Variants in KCNAB2 observed in about 807,000 individuals in gnomAD.
KCNAB2 encodes potassium voltage-gated channel subfamily A regulatory beta subunit 2.
KCNAB2 carries 29 observed loss-of-function variants against 63.6 expected under a neutral mutation model. The observed-to-expected ratio is 0.46, with a 90% CI of 0.34 to 0.62. The LOEUF (loss-of-function observed/expected upper bound fraction) is 0.62. Ranked by LOEUF, KCNAB2 falls within the 20% of genes least tolerant of loss-of-function variation. The probability of loss-of-function intolerance (pLI) is 0.01; values close to 1 mark genes in which losing one functional copy is unlikely to be tolerated. For synonymous variants in KCNAB2, 222 were observed against 224.2 expected, an observed-to-expected ratio of 0.99 and a Z score of 0.09; for missense variants, 359 against 563.9, an observed-to-expected ratio of 0.64 and a Z score of 3.68.
chr1:6,096,581 GT>G lies in KCNAB2; in HGVS notation c.949-54del. On this transcript the variant is annotated intron_variant, in intron 13 of 15. Transcript: ENST00000378083. This position sits in a 1 kb window ranked among gnomAD's most constrained non-coding sequence, Gnocchi z 5.9. The stretch of plus-strand genomic sequence containing the variant: ...GCCCATCGGCCCCCTGCACGTGGGG[GT>G]CCAGGTGACCTGCTCTCATCTGTAG... The G allele has an allele frequency of 6.4e-7, 1 of 1,568,870 alleles. No individual in the cohort carries two copies. Among genetic ancestry groups the G allele is most frequent in the East Asian group, 2.3e-5 (1 of 43,686 alleles).
chr1:6,085,846 T>A lies in KCNAB2; in HGVS notation c.425+598T>A, dbSNP rs140573080. On this transcript the variant is annotated intron_variant, in intron 6 of 15. Coordinates refer to ENST00000378083, the MANE Select transcript of KCNAB2 (RefSeq NM_001199862.2). ...TATCCTGAGGGTCAGTGGCCCCAAG[T>A]CTGTAAATCACCCACCCAGCTCAGG... The A allele has an allele frequency of 3.5e-5, 35 of 987,686 alleles. 1 individual carries two copies. The East Asian group carries it at 4.0e-3, about 112-fold the overall frequency. The allele number at this position is 987,686 out of a possible 1,614,324, so 61.2% of individuals were successfully genotyped here.
chr1:6,004,728 C>G (rs1003183229), intron 1 of KCNAB2, among the ~76,000 whole-genome samples: 11 of 152,182 alleles, frequency 7.2e-5, no homozygotes, highest in Admixed American at 3.9e-4. Context: ...TGCAAAAACC[C>G]TTTTGCCAAA....
intron 2 of KCNAB2, among the ~76,000 whole-genome samples, chr1:6,072,423 G>C (rs963556038): frequency 2.6e-5 from 4 of 152,222 alleles, no homozygotes; most frequent in African/African-American, 9.6e-5. Context: ...CCGCATGGAT[G>C]GTGCCATGGG....
intron 1 of KCNAB2, among the ~76,000 whole-genome samples, chr1:6,016,059 G>C (rs1289660634): frequency 2.6e-5 from 4 of 152,162 alleles, no homozygotes; most frequent in Non-Finnish European, 5.9e-5. Flanking sequence ...AGGTTTCTCT[G>C]ATGCAAGGAA....
intron 5 of KCNAB2, among the ~76,000 whole-genome samples, chr1:6,084,688 T>C (rs547724957): frequency 4.1e-4 from 63 of 151,982 alleles, no homozygotes; most frequent in Admixed American, 9.2e-4. Flanking sequence ...TGGTGGCAGG[T>C]GCCTGTAGTC....
intron 4 of KCNAB2, among the ~76,000 whole-genome samples, chr1:6,081,536 C>T (rs1188312532): frequency 2.0e-5 from 3 of 152,048 alleles, no homozygotes; most frequent in Non-Finnish European, 4.4e-5. Context: ...CAACAGACAC[C>T]GTTCTGTCAC....
chr1:6,034,740 G>A (rs12076209), exon 1 of KCNAB2: 68,499 of 152,368 alleles, frequency 0.45, 16,321 homozygotes, highest in East Asian at 0.88. Flanking sequence ...TGCGAGCCCC[G>A]GCTGCCTCTC....
rs1006377045 is a variant in KCNAB2 at position 6,051,681 on chromosome 1, A to C, written c.145A>C (p.Met49Leu). The C allele has an allele frequency of 2.0e-5, 30 of 1,533,794 alleles. No individual in the cohort carries two copies. Among genetic ancestry groups the C allele is most frequent in the Non-Finnish European group, 2.4e-5 (28 of 1,146,678 alleles). The change falls in exon 2 of 16, where the codon ATG (methionine) becomes CTG (leucine). Residue 49 changes from methionine to leucine, a missense_variant. This residue lies in a region of KCNAB2 where 88 missense variants were observed against 87.8 expected (regional missense o/e 1.00). Transcript: ENST00000378083. ...GCGGGCGGCTGCCCAGGCCAGGAAC[A>C]TGGAGAGCTTCCTCCGCATGCACGG... is the stretch of plus-strand genomic sequence containing the variant. ...EVRAAAQARN[M>L]ESFLRMHGLS...
chr1:6,018,367 G>A (rs987042704), intron 1 of KCNAB2, among the ~76,000 whole-genome samples: 2 of 152,226 alleles, frequency 1.3e-5, no homozygotes, highest in Non-Finnish European at 2.9e-5. Context: ...AATAGGTGCT[G>A]TGTACTGAAT....
Position 6,003,946 on chromosome 1 carries a change from G to A in KCNAB2, c.-53+11158G>A, listed in dbSNP as rs148495868. Among the ~76,000 whole-genome samples, 3 of 152,204 alleles carry A rather than the reference G, an allele frequency of 2.0e-5. No homozygotes were observed. The highest frequency in any genetic ancestry group is 4.8e-5 in the African/African-American group (2 of 41,438). Reference sequence around the variant, plus strand: ...CAAATTGCTGCCGCAGCGCTGCCTGGCAAGATGTTAATCGTTCATGCCCTG... The same window carrying A: ...CAAATTGCTGCCGCAGCGCTGCCTGACAAGATGTTAATCGTTCATGCCCTG... On this transcript the variant is annotated intron_variant, in intron 1 of 16. Coordinates refer to the KCNAB2 transcript ENST00000341524. The surrounding 1 kb of genome is among the most constrained non-coding windows in gnomAD (Gnocchi z 4.1).
chr1:6,081,185 C>T (rs75837546), intron 4 of KCNAB2, among the ~76,000 whole-genome samples: 2,652 of 152,350 alleles, frequency 0.017, 72 homozygotes, highest in African/African-American at 0.06. Flanking sequence ...GCATTTAGCT[C>T]GGGCAGTCAT....
chr1:6,072,724 G>A, intron 2 of KCNAB2, 31 bp from the exon 3 acceptor site: 1 of 1,613,166 alleles, frequency 6.2e-7, no homozygotes, highest in Non-Finnish European at 8.5e-7. Flanking sequence ...CTGCCTGGGT[G>A]CTGAGAACTC....
intron 15 of KCNAB2, chr1:6,098,038 G>A: frequency 2.5e-6 from 1 of 408,044 alleles, no homozygotes; most frequent in African/African-American, 2.2e-5. Flanking sequence ...TGTTTGGGAA[G>A]GTGGGGCCCC....
In KCNAB2 at chr1:6,096,014, T is replaced by A; in HGVS notation, c.948+390T>A. On this transcript the variant is annotated intron_variant, in intron 13 of 15. Transcript: ENST00000378083. This position sits in a 1 kb window ranked among gnomAD's most constrained non-coding sequence, Gnocchi z 5.9. ...CTGCAAAGCCACATGGAGGTGACCC[T>A]GGGAGAGGCGCCCCTCCCCACCACA... 2.2e-6 allele frequency: 1 copy of A among 451,624 alleles called. No individual in the cohort carries two copies. The highest frequency in any genetic ancestry group is 4.4e-6 in the Non-Finnish European group (1 of 224,742). The allele number at this position is 451,624 out of a possible 1,614,324, so 28.0% of individuals were successfully genotyped here.
intron 1 of KCNAB2, among the ~76,000 whole-genome samples, chr1:6,020,542 G>A (rs887729789): frequency 1.3e-5 from 2 of 152,126 alleles, no homozygotes; most frequent in Admixed American, 6.5e-5. Context: ...CCACCCTCCT[G>A]GACTCGGGTT....
chr1:6,053,979 G>A (rs1239495946), intron 2 of KCNAB2, among the ~76,000 whole-genome samples: 7 of 151,258 alleles, frequency 4.6e-5, no homozygotes, highest in Non-Finnish European at 8.8e-5. Flanking sequence ...GGATTTCAAC[G>A]CTGCAGTGAG....
At chr1:6,097,496 C>T in intron 15 of KCNAB2, 139 bp downstream of exon 15, 1 of 1,455,554 alleles carries the variant, frequency 6.9e-7, no homozygotes, top group African/African-American at 1.4e-5. Context: ...GAGTTGTGCT[C>T]CTGGAGAGCT....
chr1:6,026,937 G>T (rs1173972399), intron 1 of KCNAB2, among the ~76,000 whole-genome samples: 1 of 152,198 alleles, frequency 6.6e-6, no homozygotes, highest in African/African-American at 2.4e-5. Flanking sequence ...GAAGGCCCCT[G>T]CCTTGAACAT....
At chr1:5,996,558 C>A (rs1056693863) in intron 1 of KCNAB2, among the ~76,000 whole-genome samples, 3 of 152,272 alleles carry the variant, frequency 2.0e-5, no homozygotes, top group African/African-American at 7.2e-5. Flanking sequence ...CAACCCCATG[C>A]CCACCCTGCC....
Sources: allele counts gnomAD v4.1 joint callset (sites outside exome capture counted in the v4.1 genomes callset), GRCh38; gene constraint gnomAD v4.1.1; regional missense constraint gnomAD v4.1.1; non-coding constraint Gnocchi (gnomAD v3.1); transcripts MANE v1.5; gene names NCBI Gene and HGNC (gene_info 2026-07-23, HGNC 2026-07-21).